The following PDE4B variants were observed in gnomAD, a reference collection of about 807,000 sequenced individuals.
PDE4B encodes phosphodiesterase 4B.
A neutral mutation model predicts 82.2 loss-of-function variants in PDE4B; 20 were observed. The ratio of observed to expected loss-of-function variants is 0.24; its 90% CI spans 0.17 to 0.35. The LOEUF (loss-of-function observed/expected upper bound fraction) is 0.35. Among genes scored for constraint, PDE4B ranks in the 10% least tolerant of loss-of-function variants. The pLI, the probability that PDE4B is intolerant of heterozygous loss-of-function variation, is 1.00. For synonymous variants in PDE4B, 320 were observed against 318.9 expected, an observed-to-expected ratio of 1.00 and a Z score of -0.04; for missense variants, 655 against 907.2, an observed-to-expected ratio of 0.72 and a Z score of 3.57.
At chr1:65,905,675 A>G (rs989703237) in intron 1 of PDE4B, among the ~76,000 whole-genome samples, 7 of 152,146 alleles carry the variant, frequency 4.6e-5, no homozygotes, top group Non-Finnish European at 8.8e-5. Flanking sequence ...TTTGTTTCTT[A>G]GTTACAATAC....
chr1:66,246,912 C>T (rs780241870), intron 3 of PDE4B, among the ~76,000 whole-genome samples: 8 of 152,228 alleles, frequency 5.3e-5, no homozygotes, highest in Non-Finnish European at 1.2e-4. Flanking sequence ...GGCCTCCCAT[C>T]TAATAACCCA....
At chr1:65,933,239 C>T (rs747514938) in intron 3 of PDE4B, among the ~76,000 whole-genome samples, 2 of 152,010 alleles carry the variant, frequency 1.3e-5, no homozygotes, top group Admixed American at 6.5e-5. Flanking sequence ...AGGGATTTCC[C>T]ATAAAACTAA....
At position 66,120,524 on chromosome 1, in the gene PDE4B, C is replaced by T. The variant is rs1402933004; in HGVS notation, c.282-126936C>T. ...TACATTAGAGATCACAACTTGGACTCAGTACACAAATGGGTTTTATTTGCC... is the reference window on the plus strand; with the variant it reads ...TACATTAGAGATCACAACTTGGACTTAGTACACAAATGGGTTTTATTTGCC... On this transcript the variant is annotated intron_variant, in intron 3 of 16. Coordinates refer to ENST00000341517, the MANE Select transcript of PDE4B (RefSeq NM_002600.4). 2.6e-5 allele frequency among the ~76,000 whole-genome samples: 4 copies of T among 152,124 alleles called. No homozygotes were observed. The East Asian group carries it at 7.7e-4, about 29-fold the overall frequency.
chr1:65,942,516 T>G (rs1648500492), intron 3 of PDE4B, among the ~76,000 whole-genome samples: 1 of 152,026 alleles, frequency 6.6e-6, no homozygotes, highest in Non-Finnish European at 1.5e-5. Context: ...TTCAACATAG[T>G]TATTTCATTT....
intron 3 of PDE4B, among the ~76,000 whole-genome samples, chr1:66,230,754 A>AGC (rs1165045245): frequency 5.3e-5 from 8 of 152,218 alleles, no homozygotes; most frequent in Admixed American, 5.2e-4. Flanking sequence ...TCAATGTTAA[A>AGC]ATAGTTCCTG....
chr1:65,839,251 A>G (rs529678419), intron 1 of PDE4B, among the ~76,000 whole-genome samples: 43 of 151,398 alleles, frequency 2.8e-4, no homozygotes, highest in Non-Finnish European at 4.7e-4. Context: ...TTCAATACCA[A>G]TGATTTTTTT....
chr1:66,310,402 T>A (rs1204629042), intron 7 of PDE4B, among the ~76,000 whole-genome samples: 8 of 152,182 alleles, frequency 5.3e-5, no homozygotes, highest in Non-Finnish European at 1.2e-4. Flanking sequence ...ACTCTCTCAA[T>A]GCAAATGGAG....
chr1:66,320,568 G>A (rs1021233917), intron 7 of PDE4B, among the ~76,000 whole-genome samples: 3 of 152,168 alleles, frequency 2.0e-5, no homozygotes, highest in Non-Finnish European at 4.4e-5. Flanking sequence ...CTGTTCAGTA[G>A]CAAAGGCCCC....
chr1:65,803,717 A>C (rs540968708), intron 1 of PDE4B, among the ~76,000 whole-genome samples: 1 of 152,292 alleles, frequency 6.6e-6, no homozygotes, highest in African/African-American at 2.4e-5. Context: ...TTAAATCTAG[A>C]ATGGAACTTC....
chr1:66,106,463 AG>A (rs1266772079), intron 3 of PDE4B, among the ~76,000 whole-genome samples: 1 of 152,042 alleles, frequency 6.6e-6, no homozygotes, highest in African/African-American at 2.4e-5. Flanking sequence ...AAAATGAGTT[AG>A]GGAGGATTCC....
At chr1:65,845,837 A>T (rs1217829799) in intron 1 of PDE4B, among the ~76,000 whole-genome samples, 1 of 152,094 alleles carries the variant, frequency 6.6e-6, no homozygotes, top group Admixed American at 6.6e-5. Flanking sequence ...CTTTCTCCGG[A>T]TGGGTGTCTC....
chr1:66,248,433 T>C (rs1479321087), intron 4 of PDE4B, among the ~76,000 whole-genome samples: 1 of 152,210 alleles, frequency 6.6e-6, no homozygotes, highest in African/African-American at 2.4e-5. Flanking sequence ...AAAATTCCAC[T>C]CTGTTCTCTT....
intron 2 of PDE4B, among the ~76,000 whole-genome samples, chr1:65,915,448 C>T (rs771339562): frequency 7.3e-4 from 111 of 152,044 alleles, no homozygotes; most frequent in Non-Finnish European, 1.3e-3. Flanking sequence ...GAATGTGTAC[C>T]GAAGCACAGT....
intron 1 of PDE4B, among the ~76,000 whole-genome samples, chr1:65,912,768 G>A (rs1647110789): frequency 6.6e-6 from 1 of 151,640 alleles, no homozygotes; most frequent in Non-Finnish European, 1.5e-5. Context: ...TTTTTTGACA[G>A]TATAAAGCAG....
At chr1:66,253,239 A>AAT (rs112472439) in intron 4 of PDE4B, among the ~76,000 whole-genome samples, 10,270 of 152,286 alleles carry the variant, frequency 0.067, 678 homozygotes, top group East Asian at 0.35. Flanking sequence ...TGTGCTGTTA[A>AAT]CCACTATAGT....
At chr1:66,126,499 C>G (rs1645826764) in intron 3 of PDE4B, among the ~76,000 whole-genome samples, 1 of 152,022 alleles carries the variant, frequency 6.6e-6, no homozygotes, top group Admixed American at 6.6e-5. Flanking sequence ...AAAGCTTTGA[C>G]CTAAAATATA....
At chr1:66,108,287 T>C (rs1247362352) in intron 3 of PDE4B, among the ~76,000 whole-genome samples, 3 of 151,956 alleles carry the variant, frequency 2.0e-5, no homozygotes, top group Non-Finnish European at 4.4e-5. Context: ...TTGATTTCTT[T>C]TTTTTAGATT....
chr1:66,363,665 T>C, intron 12 of PDE4B, 94 bp downstream of exon 12: 1 of 990,568 alleles, frequency 1.0e-6, no homozygotes, highest in Non-Finnish European at 1.5e-6. Context: ...TAGTCCTAGC[T>C]ACTCGGGAGG....
intron 3 of PDE4B, among the ~76,000 whole-genome samples, chr1:66,210,558 T>C (rs1299219416): frequency 8.1e-6 from 1 of 122,702 alleles, no homozygotes; most frequent in African/African-American, 3.2e-5. Flanking sequence ...ATCGCACCAC[T>C]GCACTCCAGC....
Sources: allele counts gnomAD v4.1 joint callset (sites outside exome capture counted in the v4.1 genomes callset), GRCh38; gene constraint gnomAD v4.1.1; transcripts MANE v1.5; gene names NCBI Gene and HGNC (gene_info 2026-07-23, HGNC 2026-07-21).